The following IGFL2 variants were observed in gnomAD, a reference collection of about 807,000 sequenced individuals.
IGFL2 encodes the protein IGF like family member 2, also known as insulin growth factor-like family member 2.
IGFL2 carries 7 observed loss-of-function variants against 13.9 expected under a neutral mutation model. That is an observed-to-expected ratio of 0.51 (90% CI 0.29 to 0.95). The LOEUF is 0.95. IGFL2 is among the 40% of genes least tolerant of loss of function. IGFL2 has a pLI of 0.08. For missense variants in IGFL2, 138 were observed against 147.8 expected (o/e 0.93, Z 0.34); for synonymous variants, 55 against 55.8 (o/e 0.99, Z 0.07).
At chr19:46,120,274 C>A in the IGFL2 span, 1 of 1,608,098 alleles carries the variant, frequency 6.2e-7, no homozygotes, top group Non-Finnish European at 8.5e-7. Context: ...CTCCGATGTC[C>A]AGCTGCTTCG....
chr19:46,200,484 C>CTT, the IGFL2 span, among the ~76,000 whole-genome samples: 1 of 143,904 alleles, frequency 6.9e-6, no homozygotes, highest in East Asian at 2.0e-4. Flanking sequence ...CTTTTCTTTT[C>CTT]TTTTCTTTTC....
chr19:46,152,519 A>G (rs1373496250), intron 1 of IGFL2, among the ~76,000 whole-genome samples: 3 of 152,160 alleles, frequency 2.0e-5, no homozygotes, highest in African/African-American at 7.2e-5. Flanking sequence ...TCTGACCTCA[A>G]GTGATCCTCC....
At chr19:46,136,514 T>G in the IGFL2 span, among the ~76,000 whole-genome samples, 4 of 152,190 alleles carry the variant, frequency 2.6e-5, no homozygotes, top group African/African-American at 4.8e-5. Context: ...ACATTATGAA[T>G]AATCTACCAA....
chr19:46,176,992 C>CTTATCACT, the IGFL2 span, among the ~76,000 whole-genome samples: 1 of 152,174 alleles, frequency 6.6e-6, no homozygotes, highest in South Asian at 2.1e-4. Context: ...ACCCACTGCC[C>CTTATCACT]TTATCACTTT....
At chr19:46,158,174 A>G (rs965732329) in intron 1 of IGFL2, among the ~76,000 whole-genome samples, 1 of 152,184 alleles carries the variant, frequency 6.6e-6, no homozygotes, top group African/African-American at 2.4e-5. Context: ...CTCAACTAGT[A>G]AAGATGTTAG....
the IGFL2 span, among the ~76,000 whole-genome samples, chr19:46,129,195 A>G: frequency 1.1e-4 from 17 of 151,814 alleles, no homozygotes; most frequent in African/African-American, 3.9e-4. Flanking sequence ...ATCCCCCTTT[A>G]CATTTCTAAT....
the IGFL2 span, among the ~76,000 whole-genome samples, chr19:46,119,830 G>A: frequency 6.6e-6 from 1 of 150,772 alleles, no homozygotes; most frequent in East Asian, 2.0e-4. Flanking sequence ...GCAAGGGGAT[G>A]CAGGAGCCCG....
the IGFL2 span, among the ~76,000 whole-genome samples, chr19:46,127,596 A>G: frequency 6.6e-6 from 1 of 152,132 alleles, no homozygotes; most frequent in African/African-American, 2.4e-5. Flanking sequence ...AAACGGATGT[A>G]TAGGTAGATA....
intron 1 of IGFL2, among the ~76,000 whole-genome samples, chr19:46,150,909 C>G (rs138646112): frequency 5.6e-4 from 86 of 152,314 alleles, no homozygotes; most frequent in African/African-American, 2.0e-3. Flanking sequence ...TCAAGCAACC[C>G]TCCTCCTTGG....
chr19:46,211,321 C>T, the IGFL2 span, among the ~76,000 whole-genome samples: 1 of 152,202 alleles, frequency 6.6e-6, no homozygotes, highest in Non-Finnish European at 1.5e-5. Context: ...GAAAATGACT[C>T]ACACAGACTC....
At chr19:46,153,863 A>G (rs910720557) in intron 1 of IGFL2, among the ~76,000 whole-genome samples, 1 of 149,048 alleles carries the variant, frequency 6.7e-6, no homozygotes, top group African/African-American at 2.5e-5. Flanking sequence ...AAGTTCTGGG[A>G]TTCATGTGCT....
chr19:46,214,212 C>T, the IGFL2 span: 1 of 152,162 alleles, frequency 6.6e-6, no homozygotes, highest in Non-Finnish European at 1.5e-5. Context: ...GTAGTGAATC[C>T]CTCCTTGGAC....
At chr19:46,123,366 A>T in the IGFL2 span, among the ~76,000 whole-genome samples, 1 of 151,054 alleles carries the variant, frequency 6.6e-6, no homozygotes, top group African/African-American at 2.5e-5. Context: ...AATATGCTCA[A>T]ATTTACTGAC....
chr19:46,123,455 C>T, the IGFL2 span, among the ~76,000 whole-genome samples: 1 of 150,946 alleles, frequency 6.6e-6, no homozygotes, highest in African/African-American at 2.5e-5. Flanking sequence ...ATTACAAAGC[C>T]AGTCTTTCCC....
chr19:46,127,615 G>A, the IGFL2 span, among the ~76,000 whole-genome samples: 2 of 152,158 alleles, frequency 1.3e-5, no homozygotes, highest in African/African-American at 4.8e-5. Context: ...TAGGTAAGAT[G>A]TATAGGTAGG....
intron 1 of IGFL2, chr19:46,149,007 A>G: frequency 6.2e-7 from 1 of 1,604,754 alleles, no homozygotes; most frequent in Non-Finnish European, 8.5e-7. Flanking sequence ...TGTCTCAGGC[A>G]TGAGGACCGA....
intron 1 of IGFL2, among the ~76,000 whole-genome samples, chr19:46,153,926 C>G (rs976246231): frequency 1.6e-4 from 25 of 151,566 alleles, no homozygotes; most frequent in Admixed American, 1.6e-3. Flanking sequence ...CCTATCAACC[C>G]GTCATCTAGG....
the IGFL2 span, chr19:46,120,099 C>T: frequency 3.9e-5 from 22 of 560,360 alleles, no homozygotes; most frequent in Admixed American, 9.9e-5. Context: ...ATTTTATTGC[C>T]GATGAAAGTG....
the IGFL2 span, chr19:46,113,992 C>T: frequency 4.6e-5 from 7 of 152,282 alleles, no homozygotes; most frequent in Non-Finnish European, 7.3e-5. Context: ...CCTACAGCAG[C>T]CTGCCTAGGA....
Sources: allele counts gnomAD v4.1 joint callset (sites outside exome capture counted in the v4.1 genomes callset), GRCh38; gene constraint gnomAD v4.1.1; transcripts MANE v1.5; gene names NCBI Gene and HGNC (gene_info 2026-07-23, HGNC 2026-07-21).